Variants in PRKN observed in about 807,000 individuals in gnomAD.
PRKN encodes E3 ubiquitin-protein ligase parkin.
In PRKN, 56 loss-of-function variants were observed where a neutral mutation model predicts 59.5. That is an observed-to-expected ratio of 0.94 (90% CI 0.76 to 1.18). The LOEUF is 1.18. Among genes scored for constraint, PRKN ranks in the 50% most tolerant of loss-of-function variants. The probability of loss-of-function intolerance (pLI) is 0.00; values close to 1 mark genes in which losing one functional copy is unlikely to be tolerated. For missense variants in PRKN, 657 were observed against 596.4 expected, an observed-to-expected ratio of 1.10 and a Z score of -1.06; for synonymous variants, 250 against 222.1, an observed-to-expected ratio of 1.13 and a Z score of -1.12.
intron 1 of PRKN, among the ~76,000 whole-genome samples, chr6:162,503,838 G>A (rs947030238): frequency 6.6e-6 from 1 of 152,194 alleles, no homozygotes; most frequent in South Asian, 2.1e-4. Flanking sequence ...GGAGGGTGAT[G>A]GGGCAAGTGA....
chr6:162,608,156 A>C (rs1357969810), intron 1 of PRKN, among the ~76,000 whole-genome samples: 1 of 152,194 alleles, frequency 6.6e-6, no homozygotes, highest in Non-Finnish European at 1.5e-5. Context: ...GAGCATAAAC[A>C]ATGGTGTTAT....
At position 161,964,368 on chromosome 6, in the gene PRKN, C is replaced by A. The variant is rs552312678; in HGVS notation, c.734+8934G>T. 5.9e-5 allele frequency among the ~76,000 whole-genome samples: 9 copies of A among 152,066 alleles called. No homozygotes were observed. In the East Asian group the frequency reaches 1.5e-3, roughly 26 times the overall value. On this transcript the variant is annotated intron_variant, in intron 6 of 11. Transcript: ENST00000366898. ...TTATTGAAGGCTTTATGCAAAGATT[C>A]TTTCTGGAAGGGTTTATAGCAGCTC...
chr6:162,188,837 G>A (rs1398598445), intron 4 of PRKN, among the ~76,000 whole-genome samples: 2 of 150,022 alleles, frequency 1.3e-5, no homozygotes, highest in East Asian at 3.9e-4. Context: ...ATTTAGGTCA[G>A]ATAACTTTCT....
At chr6:161,568,187 TACACCAAACAAAAAC>T (rs749608904) in intron 8 of PRKN, among the ~76,000 whole-genome samples, 13 of 152,218 alleles carry the variant, frequency 8.5e-5, no homozygotes, top group Non-Finnish European at 1.3e-4. Context: ...GCCACATACA[TACACCAAACAAAAAC>T]ACACAAACCA....
At chr6:161,979,649 T>A (rs1781186764) in intron 5 of PRKN, among the ~76,000 whole-genome samples, 1 of 152,210 alleles carries the variant, frequency 6.6e-6, no homozygotes, top group Non-Finnish European at 1.5e-5. Flanking sequence ...AGGCTACTCA[T>A]GCTTTTACCA....
At chr6:162,281,321 T>C (rs544692885) in intron 2 of PRKN, among the ~76,000 whole-genome samples, 1 of 152,068 alleles carries the variant, frequency 6.6e-6, no homozygotes, top group Non-Finnish European at 1.5e-5. Context: ...ATGTAAATGA[T>C]GAGCTGACGG....
At chr6:161,412,997 G>A (rs1787658446) in intron 9 of PRKN, among the ~76,000 whole-genome samples, 1 of 152,226 alleles carries the variant, frequency 6.6e-6, no homozygotes, top group South Asian at 2.1e-4. Flanking sequence ...AGTAATCAGA[G>A]ACAGGCTCTG....
intron 1 of PRKN, among the ~76,000 whole-genome samples, chr6:162,513,164 T>A (rs1777701978): frequency 6.6e-6 from 1 of 152,062 alleles, no homozygotes; most frequent in African/African-American, 2.4e-5. Context: ...GGAAGCAGCA[T>A]GACCAAGGCA....
rs184782842 is a variant in PRKN at position 161,779,183 on chromosome 6, G to A, written c.871+6589C>T. On this transcript the variant is annotated intron_variant, in intron 7 of 11. Transcript: ENST00000366898. ...TCGAACTGCTGACCTCAGGTGATTC[G>A]CCCACCTTGGCCTCCCAAAGTGCTG... is the stretch of plus-strand genomic sequence containing the variant. Among the ~76,000 whole-genome samples, 71 of 151,908 alleles carry A rather than the reference G, an allele frequency of 4.7e-4. 2 individuals carry two copies. In the East Asian group the frequency reaches 0.013, roughly 27 times the overall value.
intron 2 of PRKN, among the ~76,000 whole-genome samples, chr6:162,432,524 A>AAAACAAAC (rs71671690): frequency 6.6e-5 from 10 of 151,764 alleles, no homozygotes; most frequent in African/African-American, 2.2e-4. Flanking sequence ...GACACCGTCT[A>AAAACAAAC]AAACAAACAA....
At chr6:162,186,755 C>T (rs1177234730) in intron 4 of PRKN, among the ~76,000 whole-genome samples, 5 of 152,144 alleles carry the variant, frequency 3.3e-5, no homozygotes, top group Non-Finnish European at 7.4e-5. Flanking sequence ...TTTAAAAGTG[C>T]GTAGCACCTC....
chr6:161,350,219 G>C lies in PRKN; in HGVS notation c.1286-8C>G. On this transcript the variant is annotated splice_region_variant and splice_polypyrimidine_tract_variant and intron_variant, in intron 11 of 11. Coordinates refer to ENST00000366898, the MANE Select transcript of PRKN (RefSeq NM_004562.3). ...TCATGTGCATGCAGCCTCCTGTTGG[G>C]GGCAGAAAACAAAGGTGTGGTGGGT... The C allele has an allele frequency of 6.2e-7, 1 of 1,605,158 alleles. No homozygotes were observed. The highest frequency in any genetic ancestry group is 8.5e-7 in the Non-Finnish European group (1 of 1,173,118).
At chr6:162,429,329 C>T (rs1789396547) in intron 2 of PRKN, among the ~76,000 whole-genome samples, 1 of 152,116 alleles carries the variant, frequency 6.6e-6, no homozygotes, top group Non-Finnish European at 1.5e-5. Context: ...GGAATGCAGG[C>T]TCCACAAGAA....
chr6:161,570,146 A>AATATATATAT (rs1554277877), intron 7 of PRKN, among the ~76,000 whole-genome samples: 6 of 76,608 alleles, frequency 7.8e-5, no homozygotes, highest in African/African-American at 1.4e-4. Flanking sequence ...AAAAAAAAAA[A>AATATATATAT]ATATATATAT....
intron 2 of PRKN, among the ~76,000 whole-genome samples, chr6:162,430,115 C>A (rs1789436684): frequency 6.6e-6 from 1 of 152,052 alleles, no homozygotes; most frequent in Non-Finnish European, 1.5e-5. Context: ...CCTAGGGGAG[C>A]AGACAGTGCC....
Position 161,447,077 on chromosome 6 carries a change from G to C in PRKN, c.1084-60200C>G, listed in dbSNP as rs1447618119. Among the ~76,000 whole-genome samples the C allele has an allele frequency of 6.6e-6, 1 of 152,144 alleles. No homozygotes were observed. The highest frequency in any genetic ancestry group is 1.5e-5 in the Non-Finnish European group (1 of 68,032). Reference sequence around the variant, plus strand: ...CTTTAAGGAAAGAAGTCAATACAAGGAAAATATCCTTTTTTAATCCCATTT... The same window carrying C: ...CTTTAAGGAAAGAAGTCAATACAAGCAAAATATCCTTTTTTAATCCCATTT... On this transcript the variant is annotated intron_variant, in intron 9 of 11. Transcript: ENST00000366898. The surrounding 1 kb of genome is among the most constrained non-coding windows in gnomAD (Gnocchi z 4.1).
chr6:161,522,769 C>T (rs73591691), intron 9 of PRKN, among the ~76,000 whole-genome samples: 34 of 152,338 alleles, frequency 2.2e-4, no homozygotes, highest in African/African-American at 7.9e-4. Context: ...ATTCATGTGT[C>T]TTTCCCTTCC....
chr6:161,966,881 G>C (rs369502166), intron 6 of PRKN, among the ~76,000 whole-genome samples: 2 of 152,202 alleles, frequency 1.3e-5, no homozygotes, highest in East Asian at 3.9e-4. Context: ...GCCCAGGCTA[G>C]AGTGCAGTGG....
chr6:161,761,031 A>G (rs1789177996), intron 7 of PRKN, among the ~76,000 whole-genome samples: 1 of 152,248 alleles, frequency 6.6e-6, no homozygotes, highest in Admixed American at 6.5e-5. Flanking sequence ...GCCGTAAAAT[A>G]GAGGCCAAAT....
Sources: allele counts gnomAD v4.1 joint callset (sites outside exome capture counted in the v4.1 genomes callset), GRCh38; gene constraint gnomAD v4.1.1; non-coding constraint Gnocchi (gnomAD v3.1); transcripts MANE v1.5; gene names NCBI Gene and HGNC (gene_info 2026-07-23, HGNC 2026-07-21).